Variants in TNNI3K observed in about 807,000 individuals in gnomAD.
TNNI3K encodes serine/threonine-protein kinase TNNI3K.
TNNI3K carries 140 observed loss-of-function variants against 114.5 expected under a neutral mutation model. That is an observed-to-expected ratio of 1.22 (90% CI 1.07 to 1.41). The LOEUF (loss-of-function observed/expected upper bound fraction) is 1.41. Among genes scored for constraint, TNNI3K ranks in the 40% most tolerant of loss-of-function variants. TNNI3K has a pLI of 0.00. For synonymous variants in TNNI3K, 347 were observed against 347.5 expected (o/e 1.00, Z 0.02); for missense variants, 1,125 against 1,007.6 (o/e 1.12, Z -1.58).
At chr1:74,268,861 C>G (rs756253943) in intron 4 of TNNI3K, among the ~76,000 whole-genome samples, 18 of 151,930 alleles carry the variant, frequency 1.2e-4, no homozygotes, top group Non-Finnish European at 2.1e-4. Flanking sequence ...CCCTATCTCT[C>G]TATCATTAAT....
intron 20 of TNNI3K, among the ~76,000 whole-genome samples, chr1:74,451,069 A>G (rs929619956): frequency 3.3e-5 from 5 of 152,248 alleles, no homozygotes; most frequent in African/African-American, 1.2e-4. Flanking sequence ...TTATGCTGCC[A>G]TAAAAAGGAA....
chr1:74,274,032 A>T (rs563862152), intron 5 of TNNI3K, among the ~76,000 whole-genome samples: 1 of 152,088 alleles, frequency 6.6e-6, no homozygotes, highest in African/African-American at 2.4e-5. Context: ...AAATCTATAT[A>T]TACATTTTGA....
intron 21 of TNNI3K, among the ~76,000 whole-genome samples, chr1:74,486,648 G>C (rs1668784144): frequency 6.6e-6 from 1 of 151,618 alleles, no homozygotes; most frequent in Non-Finnish European, 1.5e-5. Flanking sequence ...TCTGGAAGTT[G>C]TTTTTTAAAG....
chr1:74,371,316 T>G (rs1458041039), intron 17 of TNNI3K: 1 of 151,854 alleles, frequency 6.6e-6, no homozygotes, highest in African/African-American at 2.4e-5. Flanking sequence ...CAGTAGAGCT[T>G]ACAAAGTGGG....
intron 19 of TNNI3K, among the ~76,000 whole-genome samples, chr1:74,438,277 C>T (rs1387504726): frequency 2.6e-5 from 4 of 151,828 alleles, no homozygotes; most frequent in Non-Finnish European, 5.9e-5. Flanking sequence ...AATGTAGACT[C>T]TTTGGAATGT....
At chr1:74,399,698 T>C (rs752530934) in intron 17 of TNNI3K, among the ~76,000 whole-genome samples, 1 of 152,044 alleles carries the variant, frequency 6.6e-6, no homozygotes, top group Non-Finnish European at 1.5e-5. Flanking sequence ...AAGCTAACCC[T>C]AAGGAAAACC....
chr1:74,364,227 A>G (rs1402945667), intron 11 of TNNI3K, among the ~76,000 whole-genome samples: 2 of 151,582 alleles, frequency 1.3e-5, no homozygotes, highest in Non-Finnish European at 2.9e-5. Context: ...CTGGTCTTCA[A>G]CTCCTGGCCT....
At chr1:74,279,726 G>C (rs967723446) in intron 5 of TNNI3K, among the ~76,000 whole-genome samples, 2 of 152,128 alleles carry the variant, frequency 1.3e-5, no homozygotes, top group African/African-American at 4.8e-5. Context: ...CTAGAGCCCA[G>C]GATCATAATC....
At chr1:74,329,541 T>A (rs574722371) in intron 5 of TNNI3K, among the ~76,000 whole-genome samples, 2 of 152,226 alleles carry the variant, frequency 1.3e-5, no homozygotes, top group East Asian at 3.9e-4. Context: ...TATTAGCATC[T>A]CCAATGCTAT....
intron 21 of TNNI3K, among the ~76,000 whole-genome samples, chr1:74,465,953 C>G (rs1214588563): frequency 1.3e-5 from 2 of 152,186 alleles, no homozygotes; most frequent in African/African-American, 4.8e-5. Context: ...CTCTGGTCAT[C>G]TTCTGTATTG....
chr1:74,312,633 C>T, intron 5 of TNNI3K, among the ~76,000 whole-genome samples: 1 of 152,198 alleles, frequency 6.6e-6, no homozygotes, highest in East Asian at 1.9e-4. Flanking sequence ...AGGCTGACTT[C>T]TGATTATTCT....
chr1:74,350,183 G>T (rs1355735835), intron 9 of TNNI3K, among the ~76,000 whole-genome samples: 2 of 151,996 alleles, frequency 1.3e-5, no homozygotes, highest in South Asian at 2.1e-4. Flanking sequence ...CTTTGTTCTC[G>T]TTGGTTTCAA....
Position 74,544,256 on chromosome 1 carries a change from G to A in TNNI3K, c.*274G>A, listed in dbSNP as rs1047657889. The A allele has an allele frequency of 2.7e-6, 1 of 370,632 alleles. No individual in the cohort carries two copies. Among genetic ancestry groups the A allele is most frequent in the African/African-American group, 2.1e-5 (1 of 46,548 alleles). The allele number at this position is 370,632 out of a possible 1,614,324, so 23.0% of individuals were successfully genotyped here. Reference sequence around the variant, plus strand: ...AAATTTAGATCGTTACTTGGAAATGGAGCCTAAGTCTGTGGTGGACAGATA... The same window carrying A: ...AAATTTAGATCGTTACTTGGAAATGAAGCCTAAGTCTGTGGTGGACAGATA... On this transcript the variant is annotated 3_prime_UTR_variant, in exon 25 of 25. Coordinates refer to ENST00000326637, the MANE Select transcript of TNNI3K (RefSeq NM_015978.3).
In TNNI3K at chr1:74,439,982, A is replaced by G. The variant is rs45454095; in HGVS notation, c.2011+360A>G. 3.4e-3 allele frequency among the ~76,000 whole-genome samples: 515 copies of G among 152,226 alleles called. 2 individuals carry two copies. Among genetic ancestry groups the G allele is most frequent in the Non-Finnish European group, 5.3e-3 (363 of 68,000 alleles). The stretch of plus-strand genomic sequence containing the variant: ...GAGATTTTAGAATTGCCCTTTTAAC[A>G]TGTATATAGGGATAAGAAAGTAGTA... On this transcript the variant is annotated intron_variant, in intron 20 of 24. Coordinates refer to ENST00000326637, the MANE Select transcript of TNNI3K (RefSeq NM_015978.3).
intron 2 of TNNI3K, among the ~76,000 whole-genome samples, chr1:74,241,741 A>T (rs1654232355): frequency 6.6e-6 from 1 of 151,600 alleles, no homozygotes; most frequent in Non-Finnish European, 1.5e-5. Flanking sequence ...GTTCACTCTG[A>T]TGGTAGTTTG....
chr1:74,469,909 T>C (rs1244081935), intron 21 of TNNI3K: 3 of 400,542 alleles, frequency 7.5e-6, no homozygotes, highest in Non-Finnish European at 1.3e-5. Flanking sequence ...TGTAGTAGCA[T>C]ATTCAGCAGA....
At chr1:74,408,042 A>G (rs966319172) in intron 17 of TNNI3K, among the ~76,000 whole-genome samples, 6 of 152,188 alleles carry the variant, frequency 3.9e-5, no homozygotes, top group East Asian at 1.9e-4. Flanking sequence ...TACAGTAACA[A>G]TCTTTCCCTA....
intron 4 of TNNI3K, among the ~76,000 whole-genome samples, chr1:74,252,732 C>T (rs1655012186): frequency 4.6e-5 from 7 of 152,020 alleles, no homozygotes. Flanking sequence ...TTCATTCCTC[C>T]CCGTGGGTTC....
chr1:74,243,027 G>A (rs1310589008), intron 2 of TNNI3K, among the ~76,000 whole-genome samples: 1 of 151,944 alleles, frequency 6.6e-6, no homozygotes, highest in East Asian at 1.9e-4. Flanking sequence ...TACAAAAACA[G>A]TAAAAATAAT....
Sources: allele counts gnomAD v4.1 joint callset (sites outside exome capture counted in the v4.1 genomes callset), GRCh38; gene constraint gnomAD v4.1.1; transcripts MANE v1.5; gene names NCBI Gene and HGNC (gene_info 2026-07-23, HGNC 2026-07-21).